Variants in ADGRL2 observed in about 807,000 individuals in gnomAD.
ADGRL2 encodes calcium-independent alpha-latrotoxin receptor 2.
In ADGRL2, 44 loss-of-function variants were observed where a neutral mutation model predicts 157.4. The ratio of observed to expected loss-of-function variants is 0.28; its 90% CI spans 0.22 to 0.36. The LOEUF is 0.36. Among genes scored for constraint, ADGRL2 ranks in the 10% least tolerant of loss-of-function variants. The probability of loss-of-function intolerance (pLI) is 1.00; values close to 1 mark genes in which losing one functional copy is unlikely to be tolerated. For missense variants in ADGRL2, 1,510 were observed against 1,768.9 expected (o/e 0.85, Z 2.63); for synonymous variants, 585 against 624.7 (o/e 0.94, Z 0.95).
intron 1 of ADGRL2, among the ~76,000 whole-genome samples, chr1:81,313,844 T>C (rs1557588442): frequency 6.6e-6 from 1 of 152,190 alleles, no homozygotes; most frequent in Non-Finnish European, 1.5e-5. Context: ...TTGATTTTTT[T>C]CTGGTGTTCA....
At chr1:81,774,555 G>A (rs754655470) in intron 2 of ADGRL2, among the ~76,000 whole-genome samples, 1 of 152,066 alleles carries the variant, frequency 6.6e-6, no homozygotes, top group Non-Finnish European at 1.5e-5. Flanking sequence ...TAAAATATTG[G>A]TATTTTTAAT....
intron 1 of ADGRL2, among the ~76,000 whole-genome samples, chr1:81,432,881 G>A (rs919208884): frequency 1.1e-4 from 16 of 152,254 alleles, no homozygotes; most frequent in East Asian, 1.9e-4. Flanking sequence ...ATCATGGGCC[G>A]TTCTATGGTT....
intron 2 of ADGRL2, among the ~76,000 whole-genome samples, chr1:81,523,322 C>A (rs2148182535): frequency 6.6e-6 from 1 of 151,930 alleles, no homozygotes; most frequent in Admixed American, 6.6e-5. Flanking sequence ...GCCAGGAAGT[C>A]TTAAAAAGAA....
intron 3 of ADGRL2, among the ~76,000 whole-genome samples, chr1:81,588,006 A>G (rs1473573428): frequency 6.6e-6 from 1 of 152,154 alleles, no homozygotes; most frequent in Non-Finnish European, 1.5e-5. Flanking sequence ...CCCTAGAAGC[A>G]GGGACCAAGA....
intron 1 of ADGRL2, among the ~76,000 whole-genome samples, chr1:81,335,440 C>T (rs1661566362): frequency 6.6e-6 from 1 of 152,166 alleles, no homozygotes; most frequent in South Asian, 2.1e-4. Context: ...GTTATTTACA[C>T]ATACAAAATA....
chr1:81,988,059 CT>C (rs1663697278), intron 23 of ADGRL2, among the ~76,000 whole-genome samples, 173 bp downstream of exon 23: 1 of 152,110 alleles, frequency 6.6e-6, no homozygotes, highest in African/African-American at 2.4e-5. Context: ...TCTGTACTGC[CT>C]TTTGTCAGTA....
At chr1:81,469,153 T>G (rs79050848) in intron 2 of ADGRL2, among the ~76,000 whole-genome samples, 7,103 of 152,306 alleles carry the variant, frequency 0.047, 226 homozygotes, top group Admixed American at 0.089. Flanking sequence ...AAGACTTGGC[T>G]TCTGCCCCAC....
chr1:81,626,672 T>A (rs927785313), intron 3 of ADGRL2, among the ~76,000 whole-genome samples: 1 of 152,222 alleles, frequency 6.6e-6, no homozygotes, highest in Non-Finnish European at 1.5e-5. Flanking sequence ...AAAACATTAT[T>A]CACTGTAACA....
chr1:81,522,284 T>C lies in ADGRL2; in HGVS notation c.-247-58592T>C, dbSNP rs544422920. ...CGGGCCATAAATATACTTTCATATA[T>C]ACTGATTTAATAAAATCAGTGCTAG... On this transcript the variant is annotated intron_variant, in intron 2 of 24. Transcript: ENST00000370721. Among the ~76,000 whole-genome samples the C allele has an allele frequency of 1.3e-3, 198 of 152,246 alleles. 2 individuals carry two copies. In the Middle Eastern group the frequency reaches 0.027, roughly 21 times the overall value.
chr1:81,935,291 C>T lies in ADGRL2; in HGVS notation c.288-1437C>T, dbSNP rs1252428572. On this transcript the variant is annotated intron_variant, in intron 3 of 23. Coordinates refer to ENST00000686636, the MANE Select transcript of ADGRL2 (RefSeq NM_001366006.2). ...ACATTATTTACGTTCTTGAAAATTA[C>T]AGTATATGGTATATTTCTAAAAAAA... 3.9e-5 allele frequency among the ~76,000 whole-genome samples: 6 copies of T among 151,988 alleles called. No individual in the cohort carries two copies. In the East Asian group the frequency reaches 1.2e-3, roughly 29 times the overall value.
At chr1:81,307,323 A>G (rs183040580) in intron 1 of ADGRL2, among the ~76,000 whole-genome samples, 1 of 152,308 alleles carries the variant, frequency 6.6e-6, no homozygotes, top group Non-Finnish European at 1.5e-5. Flanking sequence ...TATGTAAGCA[A>G]TTCCTGGGCT....
At chr1:81,417,590 C>G (rs1480328895) in intron 1 of ADGRL2, among the ~76,000 whole-genome samples, 1 of 152,124 alleles carries the variant, frequency 6.6e-6, no homozygotes, top group Non-Finnish European at 1.5e-5. Context: ...GTGGTGAACA[C>G]AGTGACATTA....
intron 2 of ADGRL2, among the ~76,000 whole-genome samples, chr1:81,486,308 A>G (rs1236499018): frequency 6.6e-6 from 1 of 152,154 alleles, no homozygotes; most frequent in African/African-American, 2.4e-5. Flanking sequence ...TCAGGAACCA[A>G]GCTATTTTCA....
At chr1:81,312,045 G>A (rs12075093) in intron 1 of ADGRL2, among the ~76,000 whole-genome samples, 6,220 of 152,154 alleles carry the variant, frequency 0.041, 440 homozygotes, top group African/African-American at 0.14. Context: ...TAAATGAAAT[G>A]GAAATAATAA....
chr1:81,498,736 T>C (rs1477071643), intron 2 of ADGRL2, among the ~76,000 whole-genome samples: 1 of 152,018 alleles, frequency 6.6e-6, no homozygotes, highest in Non-Finnish European at 1.5e-5. Context: ...AATTCCAGTT[T>C]AAAAAGAAAA....
intron 1 of ADGRL2, among the ~76,000 whole-genome samples, chr1:81,432,642 C>A (rs901657596): frequency 7.9e-5 from 12 of 152,036 alleles, no homozygotes; most frequent in African/African-American, 2.9e-4. Flanking sequence ...ATACTGAGAC[C>A]ATGCCTGTTT....
intron 1 of ADGRL2, among the ~76,000 whole-genome samples, chr1:81,717,700 C>T (rs951817308): frequency 1.3e-5 from 2 of 152,220 alleles, no homozygotes; most frequent in South Asian, 4.1e-4. Flanking sequence ...TGCCTGGATT[C>T]TCCATTGACA....
chr1:81,495,149 T>C (rs890214759), intron 2 of ADGRL2, among the ~76,000 whole-genome samples: 2 of 152,180 alleles, frequency 1.3e-5, no homozygotes, highest in Middle Eastern at 3.4e-3. Flanking sequence ...CACAGAGGAA[T>C]AACGATTCAG....
chr1:81,749,545 T>C (rs2085420876), intron 1 of ADGRL2, among the ~76,000 whole-genome samples: 1 of 152,188 alleles, frequency 6.6e-6, no homozygotes, highest in Admixed American at 6.5e-5. Flanking sequence ...GACAGGAACT[T>C]TGAGAGATTT....
Sources: allele counts gnomAD v4.1 joint callset (sites outside exome capture counted in the v4.1 genomes callset), GRCh38; gene constraint gnomAD v4.1.1; transcripts MANE v1.5; gene names NCBI Gene and HGNC (gene_info 2026-07-23, HGNC 2026-07-21).